Variants in LGR6 observed in about 807,000 individuals in gnomAD.
LGR6 encodes leucine-rich repeat-containing G protein-coupled receptor 6.
A neutral mutation model predicts 69.4 loss-of-function variants in LGR6; 45 were observed. The ratio of observed to expected loss-of-function variants is 0.65; its 90% CI spans 0.51 to 0.83. LGR6 has a LOEUF of 0.83. LGR6 is among the 40% of genes least tolerant of loss of function. The pLI is 0.00. For synonymous variants in LGR6, 538 were observed against 555.0 expected (o/e 0.97, Z 0.43); for missense variants, 1,108 against 1,246.7 (o/e 0.89, Z 1.68).
chr1:202,248,452 G>A (rs983259799), intron 4 of LGR6, among the ~76,000 whole-genome samples: 6 of 152,162 alleles, frequency 3.9e-5, no homozygotes, highest in South Asian at 2.1e-4. Context: ...GACCCCATCC[G>A]GGGGACTCTC....
rs1667728732 is a variant in LGR6, at chr1:202,303,141, A to T, written c.930-138A>T. The T allele has an allele frequency of 1.7e-5, 12 of 710,576 alleles. No homozygotes were observed. In the South Asian group the frequency reaches 2.0e-4, roughly 12 times the overall value. The allele number at this position is 710,576 out of a possible 1,614,324, so 44.0% of individuals were successfully genotyped here. A position where few individuals can be genotyped will look rare whatever the true frequency, so the allele number is the denominator to read the frequency against. On this transcript the variant is annotated intron_variant, in intron 9 of 17. Coordinates refer to ENST00000367278, the MANE Select transcript of LGR6 (RefSeq NM_001017403.2). Reference sequence around the variant, plus strand: ...GCCTCCACGAGGGCCTGCGTGGCTGACTTGAGGAAGATTGCAGGGAAGCAT... The same window carrying T: ...GCCTCCACGAGGGCCTGCGTGGCTGTCTTGAGGAAGATTGCAGGGAAGCAT...
chr1:202,238,916 A>C (rs970656346), intron 4 of LGR6, among the ~76,000 whole-genome samples: 5 of 152,166 alleles, frequency 3.3e-5, no homozygotes, highest in African/African-American at 1.2e-4. Flanking sequence ...AGAGCTCCCC[A>C]ACAGCTAACA....
At chr1:202,307,302 C>T (rs376340792) in intron 13 of LGR6, 28 bp from the exon 14 acceptor site, 41 of 1,610,160 alleles carry the variant, frequency 2.5e-5, no homozygotes, top group Non-Finnish European at 3.5e-5. Flanking sequence ...GTTACTGTCC[C>T]CTCCTGTCAC....
At chr1:202,227,366 T>C (rs1391829375) in intron 2 of LGR6, among the ~76,000 whole-genome samples, 1 of 152,218 alleles carries the variant, frequency 6.6e-6, no homozygotes, top group Non-Finnish European at 1.5e-5. Flanking sequence ...CCTTTTAGAA[T>C]TGGTGATTGC....
chr1:202,200,705 G>C (rs913042622), intron 1 of LGR6, among the ~76,000 whole-genome samples: 2 of 152,222 alleles, frequency 1.3e-5, no homozygotes, highest in Admixed American at 6.5e-5. Context: ...GTGATCTCCA[G>C]TCCCTAATGA....
intron 3 of LGR6, among the ~76,000 whole-genome samples, chr1:202,233,118 C>A (rs1661227510): frequency 6.6e-6 from 1 of 152,028 alleles, no homozygotes; most frequent in Non-Finnish European, 1.5e-5. Context: ...CTCGGGGAGA[C>A]AATGAGTTCC....
intron 4 of LGR6, among the ~76,000 whole-genome samples, chr1:202,240,240 G>C (rs941507947): frequency 6.6e-6 from 1 of 152,076 alleles, no homozygotes; most frequent in Admixed American, 6.6e-5. Flanking sequence ...CAGGTGTGGT[G>C]GTGGGTGCCT....
At chr1:202,290,346 T>G (rs1165258342) in intron 6 of LGR6, among the ~76,000 whole-genome samples, 1 of 152,240 alleles carries the variant, frequency 6.6e-6, no homozygotes, top group African/African-American at 2.4e-5. Context: ...GGCTTTGACA[T>G]GCTTATAAGC....
At chr1:202,273,261 G>A (rs534806443) in intron 4 of LGR6, among the ~76,000 whole-genome samples, 2 of 152,256 alleles carry the variant, frequency 1.3e-5, no homozygotes, top group African/African-American at 4.8e-5. Context: ...GGTTGTCACT[G>A]TAGGGATGTT....
At chr1:202,282,692 G>T (rs11801918) in intron 6 of LGR6, among the ~76,000 whole-genome samples, 2,121 of 152,312 alleles carry the variant, frequency 0.014, 50 homozygotes, top group African/African-American at 0.049. Flanking sequence ...CTGACTATGT[G>T]TTGGCGCCTC....
chr1:202,286,710 TAG>T (rs1216685869), intron 6 of LGR6, among the ~76,000 whole-genome samples: 13 of 152,324 alleles, frequency 8.5e-5, no homozygotes, highest in African/African-American at 2.4e-4. Context: ...TTGTGGCTTA[TAG>T]AGGAATTTAT....
chr1:202,239,343 T>G (rs952559471), intron 4 of LGR6, among the ~76,000 whole-genome samples: 25 of 100,786 alleles, frequency 2.5e-4, no homozygotes, highest in East Asian at 1.1e-3. Context: ...TGTGTGTGTG[T>G]GGTGTGTGTG....
chr1:202,214,275 C>T (rs1209451761), intron 1 of LGR6: 1 of 1,508,854 alleles, frequency 6.6e-7, no homozygotes, highest in Non-Finnish European at 8.8e-7. Flanking sequence ...CCGGAAAGTT[C>T]CACAGGTCCT....
intron 1 of LGR6, among the ~76,000 whole-genome samples, chr1:202,217,859 A>G (rs911548614): frequency 6.6e-6 from 1 of 152,118 alleles, no homozygotes; most frequent in South Asian, 2.1e-4. Context: ...CTCACGCAGG[A>G]CTCTGTGCAA....
At chr1:202,286,311 T>C (rs1191766009) in intron 6 of LGR6, among the ~76,000 whole-genome samples, 1 of 152,200 alleles carries the variant, frequency 6.6e-6, no homozygotes, top group Non-Finnish European at 1.5e-5. Context: ...CAAATTTGCC[T>C]TCATATCTCA....
At chr1:202,256,544 C>T (rs1402969258) in intron 4 of LGR6, among the ~76,000 whole-genome samples, 8 of 152,208 alleles carry the variant, frequency 5.3e-5, no homozygotes, top group Admixed American at 5.2e-4. Flanking sequence ...CGCCTGACCA[C>T]CTTATTCCTT....
chr1:202,203,998 G>A, intron 1 of LGR6: 2 of 708,348 alleles, frequency 2.8e-6, no homozygotes, highest in South Asian at 3.2e-5. Flanking sequence ...GGGTGTGTGT[G>A]TCCCCATCTG....
At chr1:202,267,446 C>T (rs187708438) in intron 4 of LGR6, among the ~76,000 whole-genome samples, 6 of 152,272 alleles carry the variant, frequency 3.9e-5, no homozygotes, top group South Asian at 2.1e-4. Context: ...TACTCTTTAA[C>T]TGAGAAGGTT....
intron 3 of LGR6, among the ~76,000 whole-genome samples, chr1:202,233,394 G>A (rs60957513): frequency 0.18 from 27,739 of 151,978 alleles, 2,994 homozygotes; most frequent in African/African-American, 0.27. Flanking sequence ...AGCAGCCTGC[G>A]ACCCCCTGTT....
Sources: gnomAD v4.1 joint callset for allele counts (sites outside exome capture counted in the v4.1 genomes callset) on GRCh38, gnomAD v4.1.1 for gene constraint, MANE v1.5 for transcripts, NCBI Gene and HGNC (gene_info 2026-07-23, HGNC 2026-07-21) for gene names.